PCDHA3: variants seen among roughly 807,000 people sequenced by gnomAD.
PCDHA3 encodes protocadherin alpha 3, also known as protocadherin alpha-3.
A neutral mutation model predicts 62.2 loss-of-function variants in PCDHA3; 41 were observed. The observed-to-expected ratio is 0.66, with a 90% CI of 0.51 to 0.86. PCDHA3 has a LOEUF of 0.86. Ranked by LOEUF, PCDHA3 falls within the 40% of genes least tolerant of loss-of-function variation. PCDHA3 has a pLI of 0.00. For synonymous variants in PCDHA3, 640 were observed against 555.4 expected, an observed-to-expected ratio of 1.15 and a Z score of -2.14; for missense variants, 1,304 against 1,241.2, an observed-to-expected ratio of 1.05 and a Z score of -0.76.
rs2150153657 is a variant in PCDHA3, at chr5:140,828,287, A to G, written c.2394+24696A>G. 17 of 1,613,924 alleles carry G rather than the reference A, an allele frequency of 1.1e-5. No homozygotes were observed. The highest frequency in any genetic ancestry group is 4.5e-5 in the East Asian group (2 of 44,896). On this transcript the variant is annotated intron_variant, in intron 1 of 3. Coordinates refer to ENST00000522353, the MANE Select transcript of PCDHA3 (RefSeq NM_018906.3). ...GGAGCTGGTGCCGCGCCTGTTCAGG[A>G]TGGCCTCCAAAGACCGCGAGGACCT... is the stretch of plus-strand genomic sequence containing the variant.
chr5:140,815,640 G>GT (rs1765772207), intron 1 of PCDHA3: 1 of 151,888 alleles, frequency 6.6e-6, no homozygotes, highest in Non-Finnish European at 1.5e-5. Context: ...ATAGTATTCT[G>GT]TTTTTATCTA....
chr5:140,819,125 C>T (rs1243509701), intron 1 of PCDHA3, among the ~76,000 whole-genome samples: 1 of 152,096 alleles, frequency 6.6e-6, no homozygotes, highest in Non-Finnish European at 1.5e-5. Context: ...TCTTACTATC[C>T]TTATAATAGA....
intron 1 of PCDHA3, among the ~76,000 whole-genome samples, chr5:140,907,240 A>G (rs563432322): frequency 5.3e-5 from 8 of 152,310 alleles, no homozygotes; most frequent in Admixed American, 5.2e-4. Context: ...CCTAGTTGAC[A>G]TTGTAATTGT....
At chr5:140,893,570 G>A (rs1583135271) in intron 1 of PCDHA3, among the ~76,000 whole-genome samples, 1 of 152,154 alleles carries the variant, frequency 6.6e-6, no homozygotes, top group African/African-American at 2.4e-5. Context: ...TACTTCCTCA[G>A]TTTTTGCTTG....
At chr5:140,928,074 C>T (rs781992001) in intron 1 of PCDHA3, 1 of 1,614,216 alleles carries the variant, frequency 6.2e-7, no homozygotes, top group Admixed American at 1.7e-5. Flanking sequence ...TTGACAACTA[C>T]TACAGCCTGC....
chr5:140,857,463 A>G (rs782545869), intron 1 of PCDHA3: 3 of 1,598,592 alleles, frequency 1.9e-6, no homozygotes, highest in Non-Finnish European at 2.6e-6. Context: ...CCAGGCTGCC[A>G]CATCTTCACG....
chr5:140,802,949 A>T lies in PCDHA3; in HGVS notation c.1752A>T (p.Ser584=), dbSNP rs782799537. The T allele has an allele frequency of 1.4e-5, 22 of 1,613,796 alleles. 1 individual carries two copies. The South Asian group carries it at 2.1e-4, about 15-fold the overall frequency. The change falls in exon 1 of 4, where the codon TCA becomes TCT. Residue 584 remains serine (S), a synonymous_variant. Coordinates refer to ENST00000522353, the MANE Select transcript of PCDHA3 (RefSeq NM_018906.3). ...GGAVSELVPR[S]VGAGHVVAKV... is the part of the protein sequence containing the mutation. ...CAGTGAGCGAGCTGGTGCCGCGGTC[A>T]GTGGGTGCGGGCCACGTGGTAGCGA...
At position 140,887,505 on chromosome 5, in the gene PCDHA3, T is replaced by G. The variant is rs185975578; in HGVS notation, c.2394+83914T>G. On this transcript the variant is annotated intron_variant, in intron 1 of 3. Transcript: ENST00000522353. ...GGCTTGCATAGTTTCTAATAAGATG[T>G]TTGCTTTTTTATATATGAGTCTTCC... Among the ~76,000 whole-genome samples, 465 of 152,304 alleles carry G rather than the reference T, an allele frequency of 3.1e-3. 3 individuals carry two copies. The highest frequency in any genetic ancestry group is 0.014 in the Middle Eastern group (4 of 294).
chr5:140,856,128 G>A lies in PCDHA3; in HGVS notation c.2394+52537G>A, dbSNP rs1554148229. On this transcript the variant is annotated intron_variant, in intron 1 of 3. Coordinates refer to ENST00000522353, the MANE Select transcript of PCDHA3 (RefSeq NM_018906.3). ...CTCCTCGCAGCCTGGGAGGTGGGGA[G>A]CGGCCAGCTCCACTACTCAGTCTAC... The A allele has an allele frequency of 1.9e-6, 3 of 1,598,140 alleles. 1 individual carries two copies. The highest frequency in any genetic ancestry group is 2.6e-6 in the Non-Finnish European group (3 of 1,167,806).
intron 3 of PCDHA3, 49 bp downstream of exon 3, chr5:140,982,612 C>A (rs782489208): frequency 6.3e-7 from 1 of 1,599,358 alleles, no homozygotes; most frequent in Admixed American, 1.7e-5. Context: ...GGAAAGTGAT[C>A]AGATGACCTA....
At chr5:140,830,990 A>G (rs1771317150) in intron 1 of PCDHA3, 1 of 152,262 alleles carries the variant, frequency 6.6e-6, no homozygotes, top group Non-Finnish European at 1.5e-5. Context: ...TCTGATCATC[A>G]TAGTTTTTAT....
chr5:140,987,034 C>T (rs782321957), intron 3 of PCDHA3, among the ~76,000 whole-genome samples: 12 of 151,770 alleles, frequency 7.9e-5, no homozygotes, highest in Non-Finnish European at 1.6e-4. Context: ...GTCAACATGG[C>T]GAAACCCCAT....
intron 1 of PCDHA3, among the ~76,000 whole-genome samples, chr5:140,880,028 G>A (rs577776398): frequency 1.2e-4 from 19 of 152,308 alleles, no homozygotes; most frequent in African/African-American, 4.6e-4. Flanking sequence ...AAATCCACAA[G>A]TTCCAGGGAT....
intron 1 of PCDHA3, chr5:140,804,873 T>C: frequency 1.7e-6 from 1 of 576,524 alleles, no homozygotes; most frequent in Non-Finnish European, 2.8e-6. Context: ...TAGATATTTT[T>C]CTTGACTCCT....
chr5:140,890,737 T>C (rs926717911), intron 1 of PCDHA3, among the ~76,000 whole-genome samples: 1 of 152,240 alleles, frequency 6.6e-6, no homozygotes. Flanking sequence ...TTGACTTATA[T>C]ACTATTTCTG....
chr5:141,009,701 C>G lies in PCDHA3; in HGVS notation c.2617C>G (p.Pro873Ala). The G allele has an allele frequency of 6.2e-7, 1 of 1,614,036 alleles. No homozygotes were observed. Among genetic ancestry groups the G allele is most frequent in the South Asian group, 1.1e-5 (1 of 91,056 alleles). The change falls in exon 4 of 4, where the codon CCA (proline) becomes GCA (alanine). Residue 873 changes from proline to alanine, a missense_variant. Coordinates refer to ENST00000522353, the MANE Select transcript of PCDHA3 (RefSeq NM_018906.3). ...NSNSWTFKYG[P>A]GNPKQSGPGE... ...CAACAGCTGGACCTTTAAATACGGA[C>G]CAGGCAACCCCAAACAATCCGGTCC...
At chr5:140,910,067 G>A (rs868941459) in intron 1 of PCDHA3, among the ~76,000 whole-genome samples, 11 of 152,312 alleles carry the variant, frequency 7.2e-5, no homozygotes, top group Non-Finnish European at 1.3e-4. Context: ...TTTTAACAGC[G>A]TAAATTGTTG....
intron 1 of PCDHA3, chr5:140,808,941 T>A: frequency 6.2e-7 from 1 of 1,613,526 alleles, no homozygotes. Context: ...CCATGGTCGG[T>A]GGGTGTGGGC....
chr5:140,884,308 G>T, intron 1 of PCDHA3: 1 of 1,613,766 alleles, frequency 6.2e-7, no homozygotes. Flanking sequence ...AGGCTTCGTC[G>T]AGGGCGTCGG....
Sources: allele counts gnomAD v4.1 joint callset (sites outside exome capture counted in the v4.1 genomes callset), GRCh38; gene constraint gnomAD v4.1.1; transcripts MANE v1.5; gene names NCBI Gene and HGNC (gene_info 2026-07-23, HGNC 2026-07-21).